The following ELFN2 variants were observed in gnomAD, a reference collection of about 807,000 sequenced individuals.
The protein encoded by ELFN2 is protein phosphatase 1 regulatory subunit 29.
ELFN2 carries 17 observed loss-of-function variants against 45.5 expected under a neutral mutation model. That is an observed-to-expected ratio of 0.37 (90% CI 0.26 to 0.56). ELFN2 has a LOEUF of 0.56. Ranked by LOEUF, ELFN2 falls within the 20% of genes least tolerant of loss-of-function variation. The pLI, the probability that ELFN2 is intolerant of heterozygous loss-of-function variation, is 0.77. For missense variants in ELFN2, 922 were observed against 1,183.2 expected, an observed-to-expected ratio of 0.78 and a Z score of 3.24; for synonymous variants, 550 against 551.5, an observed-to-expected ratio of 1.00 and a Z score of 0.04.
intron 2 of ELFN2, among the ~76,000 whole-genome samples, chr22:37,412,296 GA>G (rs1405838754): frequency 8.3e-6 from 1 of 120,046 alleles, no homozygotes; most frequent in Non-Finnish European, 1.7e-5. Flanking sequence ...AAAAAAAAAA[GA>G]AAGAAAGAAA....
chr22:37,359,379 G>A (rs1314056629), intron 1 of ELFN2, among the ~76,000 whole-genome samples: 4 of 59,626 alleles, frequency 6.7e-5, no homozygotes, highest in Non-Finnish European at 1.2e-4. Flanking sequence ...CCAGGCCCCT[G>A]CCACTCCCCT....
intron 2 of ELFN2, among the ~76,000 whole-genome samples, chr22:37,414,816 C>T (rs1932737790): frequency 6.6e-6 from 1 of 152,200 alleles, no homozygotes; most frequent in Admixed American, 6.5e-5. Flanking sequence ...ACAGCTCAGC[C>T]TGTCAGAACG....
chr22:37,396,553 A>T (rs1230590440), intron 2 of ELFN2, among the ~76,000 whole-genome samples: 2 of 152,118 alleles, frequency 1.3e-5, no homozygotes, highest in Non-Finnish European at 2.9e-5. Flanking sequence ...CCTTAGCACT[A>T]CCCAGGCCCC....
chr22:37,392,543 C>T (rs1248639913), intron 2 of ELFN2, among the ~76,000 whole-genome samples: 1 of 152,158 alleles, frequency 6.6e-6, no homozygotes, highest in Non-Finnish European at 1.5e-5. Flanking sequence ...TGGTCTCGAT[C>T]TCCTGACCTC....
intron 1 of ELFN2, among the ~76,000 whole-genome samples, chr22:37,419,223 G>A (rs1932790240): frequency 6.6e-6 from 1 of 151,848 alleles, no homozygotes; most frequent in Admixed American, 6.6e-5. Flanking sequence ...AACTAGCAGG[G>A]CCGGCTTCCT....
intron 1 of ELFN2, chr22:37,354,050 T>G (rs1283727590): frequency 6.6e-6 from 1 of 152,222 alleles, no homozygotes; most frequent in Non-Finnish European, 1.5e-5. Context: ...TCCATTGTGG[T>G]GTATTTCACA....
rs1371127299 is a variant in ELFN2, at chr22:37,405,823, A to G, written c.-463+11946T>C. On this transcript the variant is annotated intron_variant, in intron 2 of 2. Coordinates refer to ENST00000402918, the MANE Select transcript of ELFN2 (RefSeq NM_052906.5). ...TGAGCCCCAGGTTCCTCCCTTTAGG[A>G]AAAAAAAAAAGGGTGGAGGGGGGGT... is the stretch of plus-strand genomic sequence containing the variant. 2.8e-5 allele frequency among the ~76,000 whole-genome samples: 4 copies of G among 141,024 alleles called. No homozygotes were observed. In the East Asian group the frequency reaches 6.0e-4, roughly 21 times the overall value. 92.5% of individuals were successfully genotyped at this position (141,024 alleles called of 152,430 possible).
chr22:37,372,982 G>A lies in ELFN2; in HGVS notation c.*90C>T, dbSNP rs780122345. 1.8e-4 allele frequency: 260 copies of A among 1,443,370 alleles called. No homozygotes were observed. The highest frequency in any genetic ancestry group is 2.2e-4 in the Non-Finnish European group (237 of 1,088,182). The allele number at this position is 1,443,370 out of a possible 1,614,324, so 89.4% of individuals were successfully genotyped here. On this transcript the variant is annotated 3_prime_UTR_variant, in exon 3 of 3. Transcript: ENST00000402918. This position sits in a 1 kb window ranked among gnomAD's most constrained non-coding sequence, Gnocchi z 4.4. ...CGTCCTCTCCTGGGCCTTGGCCCCC[G>A]AGTCTGCTCCCCGCCCTGGCCGCCT...
chr22:37,347,676 AC>A (rs1930730393), intron 1 of ELFN2, among the ~76,000 whole-genome samples: 1 of 148,698 alleles, frequency 6.7e-6, no homozygotes, highest in Non-Finnish European at 1.5e-5. Flanking sequence ...ACACACACAC[AC>A]ACACACAATC....
At chr22:37,393,876 G>A (rs996477692) in intron 2 of ELFN2, among the ~76,000 whole-genome samples, 1 of 152,152 alleles carries the variant, frequency 6.6e-6, no homozygotes, top group Non-Finnish European at 1.5e-5. Flanking sequence ...GACACGGAAC[G>A]GGTCCCCCAT....
intron 2 of ELFN2, among the ~76,000 whole-genome samples, chr22:37,402,979 A>G (rs1302655474): frequency 1.3e-5 from 2 of 152,102 alleles, no homozygotes; most frequent in Non-Finnish European, 2.9e-5. Context: ...CCCACTTCCA[A>G]GAATGGCCCG....
intron 2 of ELFN2, among the ~76,000 whole-genome samples, chr22:37,415,469 C>T (rs1444303692): frequency 6.6e-6 from 1 of 152,214 alleles, no homozygotes; most frequent in Admixed American, 6.5e-5. Flanking sequence ...GCCACACCTG[C>T]TCCATCCTGG....
At chr22:37,411,367 A>G (rs1932645680) in intron 2 of ELFN2, among the ~76,000 whole-genome samples, 1 of 151,672 alleles carries the variant, frequency 6.6e-6, no homozygotes, top group African/African-American at 2.4e-5. Flanking sequence ...CTCAGTGCCA[A>G]CCCCTCTCTG....
At chr22:37,350,883 T>C (rs1250443492) in intron 1 of ELFN2, among the ~76,000 whole-genome samples, 1 of 149,980 alleles carries the variant, frequency 6.7e-6, no homozygotes, top group African/African-American at 2.4e-5. Context: ...CTCTCAGGAC[T>C]CCTCCACCCT....
chr22:37,375,850 C>G lies in ELFN2; in HGVS notation c.-316G>C, dbSNP rs879561455. The stretch of plus-strand genomic sequence containing the variant: ...TGACTTCCTCTCCCTCCTCCTCCTC[C>G]TCCTCCTCCTCCTCCTCCTCGTCTT... On this transcript the variant is annotated 5_prime_UTR_variant, in exon 3 of 3. Coordinates refer to ENST00000402918, the MANE Select transcript of ELFN2 (RefSeq NM_052906.5). 2.4e-6 allele frequency: 1 copy of G among 420,468 alleles called. No homozygotes were observed. The highest frequency in any genetic ancestry group is 4.4e-6 in the Non-Finnish European group (1 of 227,244). The allele number at this position is 420,468 out of a possible 1,614,324, so 26.0% of individuals were successfully genotyped here.
intron 2 of ELFN2, among the ~76,000 whole-genome samples, chr22:37,377,550 T>C (rs545340574): frequency 4.7e-4 from 71 of 152,306 alleles, no homozygotes; most frequent in African/African-American, 1.6e-3. Context: ...CCCAGAGGGC[T>C]GGAACAGAGG....
At chr22:37,359,725 C>T (rs1489133106) in intron 1 of ELFN2, among the ~76,000 whole-genome samples, 2 of 152,186 alleles carry the variant, frequency 1.3e-5, no homozygotes, top group Non-Finnish European at 2.9e-5. Flanking sequence ...GCAGGGCAGA[C>T]GAGCCCCAGA....
At chr22:37,379,381 G>A (rs1308400649) in intron 2 of ELFN2, among the ~76,000 whole-genome samples, 6 of 152,166 alleles carry the variant, frequency 3.9e-5, no homozygotes, top group South Asian at 2.1e-4. Flanking sequence ...CCCAGAGCCC[G>A]GTGGCACAGC....
intron 2 of ELFN2, among the ~76,000 whole-genome samples, chr22:37,398,217 G>A (rs537688553): frequency 2.4e-4 from 36 of 152,250 alleles, no homozygotes; most frequent in African/African-American, 7.2e-4. Context: ...TGGGTAGACC[G>A]TGCCGGGCAC....
Sources: gnomAD v4.1 joint callset for allele counts (sites outside exome capture counted in the v4.1 genomes callset) on GRCh38, gnomAD v4.1.1 for gene constraint, Gnocchi (gnomAD v3.1) non-coding constraint, MANE v1.5 for transcripts, NCBI Gene and HGNC (gene_info 2026-07-23, HGNC 2026-07-21) for gene names.